Variants in COL11A1 observed in about 807,000 individuals in gnomAD.
The protein encoded by COL11A1 is collagen type XI alpha 1 chain, also known as collagen alpha-1(XI) chain.
In COL11A1, 74 loss-of-function variants were observed where a neutral mutation model predicts 265.2. The observed-to-expected ratio is 0.28, with a 90% CI of 0.23 to 0.34. The LOEUF (loss-of-function observed/expected upper bound fraction) is 0.34, where lower values mean the gene tolerates loss of function less well. Among genes scored for constraint, COL11A1 ranks in the 10% least tolerant of loss-of-function variants. COL11A1 has a pLI of 1.00. For synonymous variants in COL11A1, 816 were observed against 727.6 expected, an observed-to-expected ratio of 1.12 and a Z score of -1.96; for missense variants, 2,165 against 2,263.6, an observed-to-expected ratio of 0.96 and a Z score of 0.88.
intron 48 of COL11A1, 127 bp from the exon 49 acceptor site, chr1:102,920,491 G>A (rs1655863288): frequency 3.9e-6 from 3 of 761,006 alleles, no homozygotes; most frequent in Non-Finnish European, 4.6e-6. Flanking sequence ...TTTAAAGAAT[G>A]AGACTAAATG....
At chr1:103,038,002 G>A (rs1413008199) in intron 4 of COL11A1, among the ~76,000 whole-genome samples, 1 of 152,024 alleles carries the variant, frequency 6.6e-6, no homozygotes, top group Admixed American at 6.6e-5. Context: ...CAACATACAG[G>A]TATCTCAATG....
At chr1:103,021,553 A>C (rs1313061961) in intron 9 of COL11A1, among the ~76,000 whole-genome samples, 154 bp downstream of exon 9, 1 of 152,190 alleles carries the variant, frequency 6.6e-6, no homozygotes, top group African/African-American at 2.4e-5. Context: ...CTTTCTAGAC[A>C]AGACCTTATT....
At chr1:102,941,501 C>A (rs952182702) in intron 42 of COL11A1, among the ~76,000 whole-genome samples, 2 of 152,206 alleles carry the variant, frequency 1.3e-5, no homozygotes, top group African/African-American at 4.8e-5. Context: ...CCTGCCCAAA[C>A]ACATCTAGCC....
At position 103,082,886 on chromosome 1, in the gene COL11A1, TTC is replaced by T. The variant is rs1408652674; in HGVS notation, c.191_192del (p.Arg64LysfsTer4). ...ISKTTGFCTNRKNSKGSDTAY... is the reference protein window; with the variant it reads ...ISKTTGFCTNXKNSKGSDTAY... ...GCAGTATCTGAGCCTTTAGAATTCTTTCTGTTTGTGCAAAATCCCGTTGTTTT... is the reference window on the plus strand; with the variant it reads ...GCAGTATCTGAGCCTTTAGAATTCTTTGTTTGTGCAAAATCCCGTTGTTTT... On this transcript the variant is annotated frameshift_variant, in exon 2 of 67. Coordinates refer to ENST00000370096, the MANE Select transcript of COL11A1 (RefSeq NM_001854.4). LOFTEE classifies it high-confidence loss of function. The T allele has an allele frequency of 1.2e-6, 2 of 1,613,766 alleles. No individual in the cohort carries two copies. The highest frequency in any genetic ancestry group is 1.7e-6 in the Non-Finnish European group (2 of 1,179,766).
At chr1:103,027,414 T>G (rs975131688) in intron 5 of COL11A1, among the ~76,000 whole-genome samples, 1 of 96,756 alleles carries the variant, frequency 1.0e-5, no homozygotes, top group Admixed American at 9.5e-5. Flanking sequence ...TATATATATA[T>G]ATATATATAT....
At chr1:103,087,213 A>G (rs1209780179) in intron 1 of COL11A1, among the ~76,000 whole-genome samples, 1 of 152,200 alleles carries the variant, frequency 6.6e-6, no homozygotes, top group African/African-American at 2.4e-5. Flanking sequence ...TGCAATTCAG[A>G]TGTATCCAAT....
At chr1:102,977,413 G>T (rs1247903808) in intron 35 of COL11A1, among the ~76,000 whole-genome samples, 1 of 152,054 alleles carries the variant, frequency 6.6e-6, no homozygotes, top group Admixed American at 6.6e-5. Flanking sequence ...AGAGGTACTT[G>T]TCTCACTCTC....
rs1157861513 is a variant in COL11A1 at position 102,914,357 on chromosome 1, G to A, written c.3973C>T (p.Pro1325Ser). 2 of 1,606,100 alleles carry A rather than the reference G, an allele frequency of 1.2e-6. No homozygotes were observed. The highest frequency in any genetic ancestry group is 1.7e-5 in the Admixed American group (1 of 59,822). ...GATTTTTCCCTGATACTTACTGCAG[G>A]GCCAGGTTCCCCAGGAGGACCAGGA... is the stretch of plus-strand genomic sequence containing the variant. ...GDPGPPGEPGPAGQDGVGGDK... is the reference protein window; with the variant it reads ...GDPGPPGEPGSAGQDGVGGDK... Residue 1325 changes from proline (P) to serine (S), a missense_variant, in exon 52 of 67, where the codon CCT (proline) becomes TCT (serine). Transcript: ENST00000370096.
At chr1:102,976,995 TAC>T (rs897157452) in intron 35 of COL11A1, among the ~76,000 whole-genome samples, 10 of 151,998 alleles carry the variant, frequency 6.6e-5, no homozygotes, top group African/African-American at 2.4e-4. Flanking sequence ...AGTTTATGTA[TAC>T]ATATATATAT....
In COL11A1 at chr1:102,915,097, G is replaced by A. The variant is rs1037424239; in HGVS notation, c.3817-286C>T. Among the ~76,000 whole-genome samples the A allele has an allele frequency of 7.2e-5, 11 of 151,984 alleles. No homozygotes were observed. The East Asian group carries it at 2.1e-3, about 29-fold the overall frequency. ...TTTTTGTACTTTTTAGTAGAGACGGGGTTTTACCACGTTGGGCCAGACAAT... is the reference window on the plus strand; with the variant it reads ...TTTTTGTACTTTTTAGTAGAGACGGAGTTTTACCACGTTGGGCCAGACAAT... On this transcript the variant is annotated intron_variant, in intron 50 of 66. Transcript: ENST00000370096.
At chr1:103,031,852 GA>G (rs34710577) in intron 4 of COL11A1, among the ~76,000 whole-genome samples, 16,030 of 145,752 alleles carry the variant, frequency 0.11, 1,085 homozygotes, top group African/African-American at 0.2. Flanking sequence ...TTTATATTAA[GA>G]AAAAAAAAAG....
chr1:103,074,072 G>A (rs1671785792), intron 4 of COL11A1, among the ~76,000 whole-genome samples: 1 of 151,952 alleles, frequency 6.6e-6, no homozygotes, highest in Non-Finnish European at 1.5e-5. Context: ...TCCAATGATT[G>A]GAGGACTAAA....
intron 46 of COL11A1, among the ~76,000 whole-genome samples, chr1:102,929,903 G>A: frequency 6.6e-6 from 1 of 152,026 alleles, no homozygotes; most frequent in Non-Finnish European, 1.5e-5. Context: ...GTCTGTTGTT[G>A]GTGCATAAGA....
rs116065959 is a variant in COL11A1, at chr1:103,069,879, C to A, written c.651+4739G>T. Among the ~76,000 whole-genome samples, 467 of 151,758 alleles carry A rather than the reference C, an allele frequency of 3.1e-3. 3 individuals carry two copies. The highest frequency in any genetic ancestry group is 0.011 in the African/African-American group (452 of 41,456). ...CACTACAATGCGTCTAGTTAGAATG[C>A]CTAAAATGAAAAAGACTGAGCATAT... On this transcript the variant is annotated intron_variant, in intron 4 of 66. Transcript: ENST00000370096.
chr1:102,953,869 T>C (rs1358939858), intron 41 of COL11A1, among the ~76,000 whole-genome samples: 1 of 152,200 alleles, frequency 6.6e-6, no homozygotes, highest in Non-Finnish European at 1.5e-5. Flanking sequence ...ATAGATATTT[T>C]ACACATTGAA....
At chr1:102,979,748 T>G in intron 31 of COL11A1, 1 of 376,490 alleles carries the variant, frequency 2.7e-6, no homozygotes, top group South Asian at 2.3e-5. Context: ...TGTATTGCAA[T>G]GTAAAATTCT....
intron 18 of COL11A1, 95 bp downstream of exon 18, chr1:103,005,743 A>G: frequency 4.1e-6 from 6 of 1,456,134 alleles, no homozygotes; most frequent in Non-Finnish European, 5.8e-6. Flanking sequence ...AAACGTTAAA[A>G]TTAATTTTTC....
intron 2 of COL11A1, among the ~76,000 whole-genome samples, chr1:103,081,535 T>C (rs997685860): frequency 6.6e-6 from 1 of 151,940 alleles, no homozygotes; most frequent in African/African-American, 2.4e-5. Context: ...TTTCAGTTTG[T>C]TCTTGTTCAC....
chr1:103,025,756 T>G (rs1557963405), intron 6 of COL11A1, 143 bp from the exon 7 acceptor site: 1 of 1,608,294 alleles, frequency 6.2e-7, no homozygotes, highest in Non-Finnish European at 8.5e-7. Flanking sequence ...TCAGAGATCT[T>G]CCAGCTTATC....
Sources: gnomAD v4.1 joint callset for allele counts (sites outside exome capture counted in the v4.1 genomes callset) on GRCh38, gnomAD v4.1.1 for gene constraint, MANE v1.5 for transcripts, NCBI Gene and HGNC (gene_info 2026-07-23, HGNC 2026-07-21) for gene names.